The following CSMD1 variants were observed in gnomAD, a reference collection of about 807,000 sequenced individuals.
CSMD1 encodes the protein CUB and Sushi multiple domains 1.
A neutral mutation model predicts 417.5 loss-of-function variants in CSMD1; 213 were observed. The ratio of observed to expected loss-of-function variants is 0.51; its 90% CI spans 0.46 to 0.57. The LOEUF (loss-of-function observed/expected upper bound fraction) is 0.57, where lower values mean the gene tolerates loss of function less well. Among genes scored for constraint, CSMD1 ranks in the 20% least tolerant of loss-of-function variants. CSMD1 has a pLI of 0.00. For synonymous variants in CSMD1, 2,862 were observed against 1,736.8 expected (o/e 1.65, Z -16.11); for missense variants, 6,923 against 4,529.7 (o/e 1.53, Z -15.17).
chr8:4,314,845 C>T (rs1003257565), intron 3 of CSMD1, among the ~76,000 whole-genome samples: 6 of 152,136 alleles, frequency 3.9e-5, no homozygotes, highest in African/African-American at 1.4e-4. Context: ...GAGGAGGGAG[C>T]TGCGACAAGC....
chr8:3,418,828 G>A (rs931057975), intron 12 of CSMD1, among the ~76,000 whole-genome samples: 19 of 152,144 alleles, frequency 1.2e-4, no homozygotes, highest in African/African-American at 4.6e-4. Context: ...CATTTTAAAG[G>A]ATAGAATTTT....
intron 5 of CSMD1, among the ~76,000 whole-genome samples, chr8:3,915,586 A>G (rs1808762264): frequency 6.6e-6 from 1 of 151,594 alleles, no homozygotes; most frequent in Non-Finnish European, 1.5e-5. Flanking sequence ...TCAGACATTT[A>G]ATGGGATTAT....
chr8:3,661,897 TGGA>T (rs1798437255), intron 7 of CSMD1, among the ~76,000 whole-genome samples: 1 of 152,058 alleles, frequency 6.6e-6, no homozygotes, highest in Admixed American at 6.6e-5. Context: ...TACAGGAAGA[TGGA>T]AGAAGACAGC....
chr8:3,158,250 A>C (rs1320928842), intron 38 of CSMD1, among the ~76,000 whole-genome samples: 1 of 151,800 alleles, frequency 6.6e-6, no homozygotes, highest in African/African-American at 2.4e-5. Context: ...CTTGATACTT[A>C]AGAGTACTGA....
At chr8:4,230,262 G>C (rs894334432) in intron 3 of CSMD1, among the ~76,000 whole-genome samples, 4 of 152,074 alleles carry the variant, frequency 2.6e-5, no homozygotes, top group Non-Finnish European at 4.4e-5. Context: ...ATATCGTTGA[G>C]TATCTTATAT....
chr8:4,558,274 C>G (rs1258412009), intron 2 of CSMD1, among the ~76,000 whole-genome samples: 2 of 152,190 alleles, frequency 1.3e-5, no homozygotes, highest in Non-Finnish European at 2.9e-5. Context: ...TCCACAAACA[C>G]ACAGAATATA....
chr8:4,379,506 C>T (rs1238993048), intron 3 of CSMD1, among the ~76,000 whole-genome samples: 1 of 152,128 alleles, frequency 6.6e-6, no homozygotes, highest in Admixed American at 6.5e-5. Context: ...AATGTTAGCA[C>T]TGGAAGGCAA....
intron 7 of CSMD1, among the ~76,000 whole-genome samples, chr8:3,620,401 T>A (rs531198744): frequency 6.6e-6 from 1 of 152,126 alleles, no homozygotes; most frequent in Non-Finnish European, 1.5e-5. Context: ...TATACTAAGT[T>A]TGACTTAAAA....
chr8:4,194,823 A>C lies in CSMD1; in HGVS notation c.416-162724T>G, dbSNP rs1799236294. Among the ~76,000 whole-genome samples, 3 of 149,292 alleles carry C rather than the reference A, an allele frequency of 2.0e-5. No homozygotes were observed. The South Asian group carries it at 6.3e-4, about 31-fold the overall frequency. On this transcript the variant is annotated intron_variant, in intron 3 of 69. Coordinates refer to ENST00000635120, the MANE Select transcript of CSMD1 (RefSeq NM_033225.6). ...TTGGTCACTATGAGTTCTGCAAAGA[A>C]AAAAAAAAGTTTGTTTCAGGATCTC...
chr8:4,654,598 G>A (rs1804113030), intron 1 of CSMD1, among the ~76,000 whole-genome samples: 1 of 152,096 alleles, frequency 6.6e-6, no homozygotes, highest in Non-Finnish European at 1.5e-5. Flanking sequence ...TTTATATTAG[G>A]AAGTTCATAT....
rs150484148 is a variant in CSMD1, at chr8:3,301,080, C to T, written c.3950+6615G>A. Among the ~76,000 whole-genome samples, 325 of 151,092 alleles carry T rather than the reference C, an allele frequency of 2.2e-3. 4 individuals are homozygous for T. The highest frequency in any genetic ancestry group is 7.4e-3 in the African/African-American group (304 of 41,178). The stretch of plus-strand genomic sequence containing the variant: ...ACAATATACATTGATACGTATAAGA[C>T]ATTTGCCATTGATGTCTATAGGGGA... On this transcript the variant is annotated intron_variant, in intron 25 of 69. Transcript: ENST00000635120.
intron 3 of CSMD1, among the ~76,000 whole-genome samples, chr8:4,199,130 T>C (rs776675707): frequency 1.1e-4 from 16 of 152,304 alleles, no homozygotes; most frequent in Non-Finnish European, 1.9e-4. Flanking sequence ...AGTTCTCATA[T>C]ATTTGTATGA....
At position 4,576,660 on chromosome 8, in the gene CSMD1, A is replaced by T. The variant is rs897286626; in HGVS notation, c.302+60682T>A. 4.6e-5 allele frequency among the ~76,000 whole-genome samples: 7 copies of T among 152,266 alleles called. No homozygotes were observed. In the East Asian group the frequency reaches 1.4e-3, roughly 29 times the overall value. The stretch of plus-strand genomic sequence containing the variant: ...AATAAATATTTTTGGATACATGAAA[A>T]CAATGTAAAATAATAGCCTTCAGTC... On this transcript the variant is annotated intron_variant, in intron 2 of 69. Transcript: ENST00000635120.
intron 64 of CSMD1, 54 bp downstream of exon 64, chr8:2,955,535 G>C: frequency 6.3e-7 from 1 of 1,576,272 alleles, no homozygotes; most frequent in East Asian, 2.2e-5. Context: ...ATGGGCAGCT[G>C]ATCCTTTCCC....
At chr8:3,831,150 A>G (rs949752056) in intron 5 of CSMD1, among the ~76,000 whole-genome samples, 5 of 152,218 alleles carry the variant, frequency 3.3e-5, no homozygotes, top group African/African-American at 1.2e-4. Flanking sequence ...TCACAATTCA[A>G]AAGAAACCCA....
rs938650208 is a variant in CSMD1, at chr8:4,318,726, A to C, written c.415+101227T>G. Among the ~76,000 whole-genome samples, 8 of 145,142 alleles carry C rather than the reference A, an allele frequency of 5.5e-5. No individual in the cohort carries two copies. The East Asian group carries it at 6.2e-4, about 11-fold the overall frequency. On this transcript the variant is annotated intron_variant, in intron 3 of 69. Transcript: ENST00000635120. Reference sequence around the variant, plus strand: ...ATTTTAAAATCTCAAAAAAAAAAAAAAGCCACTCTCTGTACTGGTTGTACA... The same window carrying C: ...ATTTTAAAATCTCAAAAAAAAAAAACAGCCACTCTCTGTACTGGTTGTACA...
intron 3 of CSMD1, among the ~76,000 whole-genome samples, chr8:4,103,706 C>A (rs913378573): frequency 1.3e-5 from 2 of 152,054 alleles, no homozygotes; most frequent in African/African-American, 4.8e-5. Flanking sequence ...GCTTAAAACC[C>A]ATGATAAGAG....
intron 5 of CSMD1, among the ~76,000 whole-genome samples, chr8:3,834,044 T>G (rs145377169): frequency 6.6e-6 from 1 of 152,214 alleles, no homozygotes; most frequent in Admixed American, 6.6e-5. Context: ...CGGTCACTAA[T>G]GTAAAGTTTG....
Position 3,410,597 on chromosome 8 carries a change from AT to A in CSMD1, c.1562-993del, listed in dbSNP as rs540297746. 5.8e-3 allele frequency among the ~76,000 whole-genome samples: 878 copies of A among 152,274 alleles called. 6 individuals carry two copies. Among genetic ancestry groups the A allele is most frequent in the Non-Finnish European group, 8.8e-3 (596 of 68,024 alleles). On this transcript the variant is annotated intron_variant, in intron 12 of 69. Transcript: ENST00000635120. ...CTTGTTCCACCTTGCCTTCGCCATG[AT>A]TGTGAGGCCTCTCCAGCCATGTGGA...
Sources: allele counts gnomAD v4.1 joint callset (sites outside exome capture counted in the v4.1 genomes callset), GRCh38; gene constraint gnomAD v4.1.1; transcripts MANE v1.5; gene names NCBI Gene and HGNC (gene_info 2026-07-23, HGNC 2026-07-21).